Variants in RTTN observed in about 807,000 individuals in gnomAD.
The protein encoded by RTTN is rotatin.
RTTN carries 182 observed loss-of-function variants against 269.2 expected under a neutral mutation model. That is an observed-to-expected ratio of 0.68 (90% CI 0.60 to 0.76). The LOEUF (loss-of-function observed/expected upper bound fraction) is 0.76, where lower values mean the gene tolerates loss of function less well. RTTN is among the 30% of genes least tolerant of loss of function. RTTN has a pLI of 0.00. For synonymous variants in RTTN, 1,006 were observed against 963.5 expected, an observed-to-expected ratio of 1.04 and a Z score of -0.82; for missense variants, 2,545 against 2,608.6, an observed-to-expected ratio of 0.98 and a Z score of 0.53.
At chr18:70,137,540 T>C (rs2060153867) in intron 21 of RTTN, among the ~76,000 whole-genome samples, 1 of 152,068 alleles carries the variant, frequency 6.6e-6, no homozygotes, top group African/African-American at 2.4e-5. Flanking sequence ...TCCCAGGCCC[T>C]GCACGAACTG....
intron 10 of RTTN, among the ~76,000 whole-genome samples, chr18:70,182,913 TTGAA>T (rs1186281261): frequency 1.3e-5 from 2 of 152,240 alleles, no homozygotes; most frequent in Non-Finnish European, 2.9e-5. Flanking sequence ...TCTCCACACT[TTGAA>T]TGATTATTCT....
rs7239573 is a variant in RTTN at position 70,090,620 on chromosome 18, A to G, written c.4143+1490T>C. Among the ~76,000 whole-genome samples, 1,014 of 152,280 alleles carry G rather than the reference A, an allele frequency of 6.7e-3. 10 individuals are homozygous for G. The highest frequency in any genetic ancestry group is 7.3e-3 in the Non-Finnish European group (497 of 68,024). On this transcript the variant is annotated intron_variant, in intron 30 of 48. Coordinates refer to ENST00000640769, the MANE Select transcript of RTTN (RefSeq NM_173630.4). Reference sequence around the variant, plus strand: ...GAGGACTACTGTATTCTTCAATGAAAAGAATGACCCAAAAAATGATTCAGA... The same window carrying G: ...GAGGACTACTGTATTCTTCAATGAAGAGAATGACCCAAAAAATGATTCAGA...
At chr18:70,174,958 G>A (rs1480248539) in intron 11 of RTTN, among the ~76,000 whole-genome samples, 12 of 149,668 alleles carry the variant, frequency 8.0e-5, no homozygotes, top group African/African-American at 2.7e-4. Flanking sequence ...AACCTGGGAG[G>A]TGGAGGCTGC....
At chr18:70,203,938 A>G in intron 3 of RTTN, 148 bp downstream of exon 3, 1 of 639,830 alleles carries the variant, frequency 1.6e-6, no homozygotes, top group South Asian at 2.3e-5. Context: ...AGAGGAGGGG[A>G]AAAAGGTCAA....
chr18:70,024,608 A>C (rs563432369), intron 44 of RTTN, 114 bp downstream of exon 44: 25 of 976,186 alleles, frequency 2.6e-5, no homozygotes, highest in Non-Finnish European at 3.4e-5. Flanking sequence ...TCATATCCTC[A>C]ATAAATCAGA....
intron 10 of RTTN, among the ~76,000 whole-genome samples, chr18:70,184,703 G>GTTTTT (rs374636456): frequency 0.012 from 319 of 26,290 alleles, 91 homozygotes; most frequent in South Asian, 0.071. Context: ...ACCACAGCAG[G>GTTTTT]TTTTTTTTTT....
intron 25 of RTTN, 24 bp downstream of exon 25, chr18:70,127,478 T>C (rs1599680417): frequency 1.2e-6 from 2 of 1,608,538 alleles, no homozygotes; most frequent in Non-Finnish European, 1.7e-6. Flanking sequence ...TCTTTGAAAC[T>C]GGCAGCCTTG....
chr18:70,082,759 T>C (rs2058603396), intron 32 of RTTN, among the ~76,000 whole-genome samples: 1 of 152,150 alleles, frequency 6.6e-6, no homozygotes, highest in South Asian at 2.1e-4. Context: ...GACACAATCA[T>C]AGCTTACTGT....
At chr18:70,127,075 T>C (rs2059884085) in intron 25 of RTTN, among the ~76,000 whole-genome samples, 1 of 152,066 alleles carries the variant, frequency 6.6e-6, no homozygotes, top group Admixed American at 6.6e-5. Context: ...ATCAACTTCA[T>C]GAAATTGAGA....
chr18:70,075,410 A>G lies in RTTN; in HGVS notation c.4506T>C (p.Cys1502=). 6.2e-7 allele frequency: 1 copy of G among 1,602,894 alleles called. No homozygotes were observed. The highest frequency in any genetic ancestry group is 8.5e-7 in the Non-Finnish European group (1 of 1,175,904). ...AAGCAGAAAAATTCAAATCAAACAT[A>G]CACCGTCCTAGGTAACAATGCTTTA... ...QMVKHCYLGR[C]MFDLNFSAFD... is the part of the protein sequence containing the mutation. Residue 1502 remains cysteine (C), a synonymous_variant, in exon 33 of 49, where the codon TGT becomes TGC. Transcript: ENST00000640769.
chr18:70,079,030 A>G (rs1262227556), intron 32 of RTTN, among the ~76,000 whole-genome samples: 1 of 152,118 alleles, frequency 6.6e-6, no homozygotes, highest in Non-Finnish European at 1.5e-5. Flanking sequence ...GAAATTGTGT[A>G]CATGAGCTAA....
chr18:70,047,614 C>T (rs1246956393), intron 40 of RTTN, among the ~76,000 whole-genome samples: 2 of 152,104 alleles, frequency 1.3e-5, no homozygotes, highest in South Asian at 4.1e-4. Flanking sequence ...TTTTCAGAGA[C>T]GTAGATATAT....
intron 19 of RTTN, 133 bp from the exon 20 acceptor site, chr18:70,140,321 A>C: frequency 1.7e-6 from 1 of 578,964 alleles, no homozygotes; most frequent in Non-Finnish European, 3.0e-6. Context: ...GGTTGACATA[A>C]GAGTATGAAA....
chr18:70,159,888 T>C (rs773188667), intron 14 of RTTN, among the ~76,000 whole-genome samples: 1 of 151,942 alleles, frequency 6.6e-6, no homozygotes, highest in African/African-American at 2.4e-5. Flanking sequence ...ATTAAAACCA[T>C]GAACAGAACA....
At position 70,028,652 on chromosome 18, in the gene RTTN, T is replaced by A. The variant is rs143610261; in HGVS notation, c.5823+72A>T. On this transcript the variant is annotated intron_variant, in intron 43 of 48. Coordinates refer to ENST00000640769, the MANE Select transcript of RTTN (RefSeq NM_173630.4). ...AGAGCTTTCCATTTTTCCTACTACA[T>A]TATCTCACATAAAAATTAAACTGCT... The A allele has an allele frequency of 4.3e-4, 361 of 840,732 alleles. 1 individual carries two copies. The African/African-American group carries it at 5.7e-3, about 13-fold the overall frequency. 52.1% of individuals were successfully genotyped at this position (840,732 alleles called of 1,614,324 possible). A position where few individuals can be genotyped will look rare whatever the true frequency, so the allele number is the denominator to read the frequency against.
At chr18:70,086,259 G>C in intron 32 of RTTN, among the ~76,000 whole-genome samples, 1 of 152,122 alleles carries the variant, frequency 6.6e-6, no homozygotes, top group East Asian at 1.9e-4. Flanking sequence ...TGTGATTTAG[G>C]ACAAACTATT....
chr18:70,127,927 C>A, intron 24 of RTTN, 186 bp from the exon 25 acceptor site: 1 of 588,158 alleles, frequency 1.7e-6, no homozygotes, highest in Non-Finnish European at 2.9e-6. Context: ...ATTGGCATCC[C>A]AAATGTTTAT....
chr18:70,005,698 A>C (rs903776673), intron 47 of RTTN: 7 of 155,240 alleles, frequency 4.5e-5, no homozygotes, highest in African/African-American at 1.7e-4. Flanking sequence ...GGGGATACCC[A>C]GGTGAGAAAG....
At chr18:70,182,856 A>T (rs1169767060) in intron 10 of RTTN, among the ~76,000 whole-genome samples, 1 of 152,206 alleles carries the variant, frequency 6.6e-6, no homozygotes, top group Non-Finnish European at 1.5e-5. Context: ...TTCTAAAATT[A>T]TCTACTCTAC....
Sources: gnomAD v4.1 joint callset for allele counts (sites outside exome capture counted in the v4.1 genomes callset) on GRCh38, gnomAD v4.1.1 for gene constraint, MANE v1.5 for transcripts, NCBI Gene and HGNC (gene_info 2026-07-23, HGNC 2026-07-21) for gene names.